Variants in PCGF6 observed in about 807,000 individuals in gnomAD.
PCGF6 encodes polycomb group ring finger 6, also known as polycomb group RING finger protein 6.
In PCGF6, 24 loss-of-function variants were observed where a neutral mutation model predicts 45.5. The observed-to-expected ratio is 0.53, with a 90% CI of 0.38 to 0.74. The LOEUF is 0.74. PCGF6 is among the 30% of genes least tolerant of loss of function. The pLI, the probability that PCGF6 is intolerant of heterozygous loss-of-function variation, is 0.00. For missense variants in PCGF6, 356 were observed against 443.2 expected (o/e 0.80, Z 1.77); for synonymous variants, 152 against 162.1 (o/e 0.94, Z 0.47).
intron 6 of PCGF6, among the ~76,000 whole-genome samples, chr10:103,337,435 T>A (rs1475822815): frequency 2.0e-5 from 3 of 152,154 alleles, no homozygotes; most frequent in African/African-American, 7.2e-5. Context: ...ATCCTTTGAG[T>A]TGCTATTGTA....
chr10:103,339,259 G>A (rs2093269683), intron 6 of PCGF6, among the ~76,000 whole-genome samples: 1 of 152,034 alleles, frequency 6.6e-6, no homozygotes, highest in Admixed American at 6.6e-5. Context: ...GCATGATGGT[G>A]TGTGCCTATA....
At chr10:103,306,694 T>G (rs2093139455) in intron 9 of PCGF6, among the ~76,000 whole-genome samples, 1 of 152,218 alleles carries the variant, frequency 6.6e-6, no homozygotes, top group African/African-American at 2.4e-5. Flanking sequence ...CAAATTCAAG[T>G]GCCCACAAGG....
chr10:103,313,344 C>T (rs2093164007), intron 9 of PCGF6, among the ~76,000 whole-genome samples: 1 of 152,186 alleles, frequency 6.6e-6, no homozygotes, highest in Non-Finnish European at 1.5e-5. Flanking sequence ...GTGGGCGGAT[C>T]ACTTGAGGTC....
intron 5 of PCGF6, 129 bp downstream of exon 5, chr10:103,347,109 C>T (rs1289148855): frequency 3.0e-6 from 2 of 664,236 alleles, no homozygotes; most frequent in Non-Finnish European, 5.1e-6. Context: ...TTGGATTACA[C>T]ACAGCATTAC....
intron 6 of PCGF6, 80 bp downstream of exon 6, chr10:103,344,943 AT>A (rs2093293993): frequency 1.0e-5 from 10 of 954,230 alleles, no homozygotes; most frequent in Non-Finnish European, 1.4e-5. Flanking sequence ...AGAAAACTTG[AT>A]TTTACCTGAG....
chr10:103,332,762 C>G (rs2093244515), intron 7 of PCGF6, among the ~76,000 whole-genome samples: 1 of 152,114 alleles, frequency 6.6e-6, no homozygotes, highest in Non-Finnish European at 1.5e-5. Context: ...TTTCCTAAAG[C>G]TGAACACCAC....
chr10:103,345,094 T>G lies in PCGF6; in HGVS notation c.712A>C (p.Lys238Gln). The change falls in exon 6 of 10, where the codon AAA becomes CAA. Residue 238 changes from lysine to glutamine, a missense_variant. Physicochemically the swap from Lys to Gln is moderately conservative, Grantham distance 53 (BLOSUM62 1). Transcript: ENST00000369847. ...CGAAACACTGATTCTAGGACTTTTT[T>G]AGATCTTCCTTTGCTTGAAGGGACT... ...QPVPSSKGRS[K>Q]KVLESVFRIP... 1.2e-6 allele frequency: 2 copies of G among 1,613,340 alleles called. No individual in the cohort carries two copies. Among genetic ancestry groups the G allele is most frequent in the Non-Finnish European group, 1.7e-6 (2 of 1,179,556 alleles).
At chr10:103,338,502 G>C (rs376126907) in intron 6 of PCGF6, among the ~76,000 whole-genome samples, 64 of 144,128 alleles carry the variant, frequency 4.4e-4, no homozygotes, top group African/African-American at 1.4e-3. Context: ...CTGAGATCGC[G>C]CCACTGCACT....
At chr10:103,312,131 C>G (rs1010977861) in intron 9 of PCGF6, among the ~76,000 whole-genome samples, 1 of 138,432 alleles carries the variant, frequency 7.2e-6, no homozygotes, top group Non-Finnish European at 1.5e-5. Flanking sequence ...TGGTGGCTCA[C>G]GCCTGTAATC....
chr10:103,319,324 TG>T (rs1185597755), intron 8 of PCGF6, among the ~76,000 whole-genome samples: 2 of 152,072 alleles, frequency 1.3e-5, no homozygotes, highest in African/African-American at 4.8e-5. Context: ...ATTTTTTTTT[TG>T]TATTTTTAGT....
Position 103,342,596 on chromosome 10 carries a change from C to T in PCGF6, c.782+2428G>A, listed in dbSNP as rs570766755. Among the ~76,000 whole-genome samples, 147 of 152,208 alleles carry T rather than the reference C, an allele frequency of 9.7e-4. 1 individual carries two copies. Among genetic ancestry groups the T allele is most frequent in the South Asian group, 2.5e-3 (12 of 4,832 alleles). On this transcript the variant is annotated intron_variant, in intron 6 of 9. Transcript: ENST00000369847. ...CACATAAAAAGTATACGTGTACTTGCGTATTTTCCACCATCCTCTTTTTAA... is the reference window on the plus strand; with the variant it reads ...CACATAAAAAGTATACGTGTACTTGTGTATTTTCCACCATCCTCTTTTTAA...
intron 1 of PCGF6, among the ~76,000 whole-genome samples, chr10:103,349,678 A>T (rs1359249345): frequency 6.7e-6 from 1 of 149,944 alleles, no homozygotes; most frequent in African/African-American, 2.4e-5. Context: ...AAGGGGTTTC[A>T]CCGCTTTGGT....
rs975146855 is a variant in PCGF6 at position 103,347,380 on chromosome 10, A to G, written c.613+15T>C. On this transcript the variant is annotated intron_variant, in intron 4 of 9. Coordinates refer to ENST00000369847, the MANE Select transcript of PCGF6 (RefSeq NM_001011663.2). The stretch of plus-strand genomic sequence containing the variant: ...AGATTCTGGGATTCACAACCATGTA[A>G]TAAAAGAAACTTACTTTCCTCTAGA... 6.3e-6 allele frequency: 10 copies of G among 1,597,038 alleles called. No individual in the cohort carries two copies. Among genetic ancestry groups the G allele is most frequent in the African/African-American group, 2.7e-5 (2 of 74,444 alleles).
At chr10:103,315,524 T>TTATTTTTTG (rs1386095601) in intron 8 of PCGF6, among the ~76,000 whole-genome samples, 1 of 152,094 alleles carries the variant, frequency 6.6e-6, no homozygotes, top group Non-Finnish European at 1.5e-5. Flanking sequence ...CATGCCCAGC[T>TTATTTTTTG]TATTTTTTGT....
At chr10:103,313,998 A>C (rs2093166273) in intron 9 of PCGF6, among the ~76,000 whole-genome samples, 188 bp downstream of exon 9, 1 of 152,222 alleles carries the variant, frequency 6.6e-6, no homozygotes, top group South Asian at 2.1e-4. Context: ...TAAATAAGCT[A>C]ATCTACATAA....
At chr10:103,341,439 T>C (rs1201080343) in intron 6 of PCGF6, among the ~76,000 whole-genome samples, 1 of 151,172 alleles carries the variant, frequency 6.6e-6, no homozygotes, top group Non-Finnish European at 1.5e-5. Flanking sequence ...GTATTTTTTG[T>C]TTGTTTTTGT....
intron 9 of PCGF6, among the ~76,000 whole-genome samples, chr10:103,304,387 C>T (rs1009427722): frequency 6.6e-6 from 1 of 152,182 alleles, no homozygotes; most frequent in Non-Finnish European, 1.5e-5. Context: ...GTTGCCCAGG[C>T]TGGAGTACAG....
chr10:103,310,099 C>T (rs552778212), intron 9 of PCGF6, among the ~76,000 whole-genome samples: 33 of 151,578 alleles, frequency 2.2e-4, no homozygotes, highest in African/African-American at 7.5e-4. Flanking sequence ...TACAGGCACC[C>T]GCCACCATGC....
intron 8 of PCGF6, among the ~76,000 whole-genome samples, chr10:103,314,512 G>A (rs991707015): frequency 1.3e-5 from 2 of 152,178 alleles, no homozygotes; most frequent in Non-Finnish European, 2.9e-5. Context: ...TATTCAAAAT[G>A]ATTTCCCTGA....
Sources: gnomAD v4.1 joint callset for allele counts (sites outside exome capture counted in the v4.1 genomes callset) on GRCh38, gnomAD v4.1.1 for gene constraint, MANE v1.5 for transcripts, NCBI Gene and HGNC (gene_info 2026-07-23, HGNC 2026-07-21) for gene names.